Variants in RYR2 observed in about 807,000 individuals in gnomAD.
RYR2 encodes ryanodine receptor 2, also known as cardiac muscle ryanodine receptor-calcium release channel.
In RYR2, 227 loss-of-function variants were observed where a neutral mutation model predicts 601.1. That is an observed-to-expected ratio of 0.38 (90% CI 0.34 to 0.42). The LOEUF (loss-of-function observed/expected upper bound fraction) is 0.42. RYR2 is among the 10% of genes least tolerant of loss of function. The probability of loss-of-function intolerance (pLI) is 1.00; values close to 1 mark genes in which losing one functional copy is unlikely to be tolerated. For missense variants in RYR2, 4,646 were observed against 6,156.5 expected, an observed-to-expected ratio of 0.75 and a Z score of 8.21; for synonymous variants, 2,223 against 2,175.1, an observed-to-expected ratio of 1.02 and a Z score of -0.61.
chr1:237,055,250 G>A (rs1235906418), intron 1 of RYR2, among the ~76,000 whole-genome samples: 1 of 152,160 alleles, frequency 6.6e-6, no homozygotes, highest in Non-Finnish European at 1.5e-5. Context: ...GGGGAGCCCT[G>A]AGACCAGGGT....
chr1:237,794,130 C>T, intron 95 of RYR2, 133 bp downstream of exon 95: 1 of 753,008 alleles, frequency 1.3e-6, no homozygotes, highest in South Asian at 1.9e-5. Context: ...CAAGAAAAAT[C>T]TAAAGACTCA....
At chr1:237,492,888 G>A in intron 18 of RYR2, 66 bp from the exon 19 acceptor site, 2 of 1,447,974 alleles carry the variant, frequency 1.4e-6, no homozygotes, top group South Asian at 1.3e-5. Flanking sequence ...AGGAAGGAAG[G>A]GAGGGAGGGA....
chr1:237,126,882 T>A (rs1421725015), intron 1 of RYR2, among the ~76,000 whole-genome samples: 1 of 151,348 alleles, frequency 6.6e-6, no homozygotes. Flanking sequence ...GGTCAGCAGA[T>A]AAACAAGTGA....
intron 2 of RYR2, among the ~76,000 whole-genome samples, chr1:237,292,525 T>C (rs1692339621): frequency 6.6e-6 from 1 of 152,146 alleles, no homozygotes; most frequent in African/African-American, 2.4e-5. Context: ...GTATTTATTT[T>C]AGAATGTTTA....
At chr1:237,822,715 A>T (rs1388259817) in intron 101 of RYR2, among the ~76,000 whole-genome samples, 1 of 152,228 alleles carries the variant, frequency 6.6e-6, no homozygotes, top group Non-Finnish European at 1.5e-5. Context: ...AAATGCCCAA[A>T]TTAAAAGACA....
intron 29 of RYR2, among the ~76,000 whole-genome samples, chr1:237,578,369 G>C (rs1450700862): frequency 6.6e-6 from 1 of 152,138 alleles, no homozygotes; most frequent in African/African-American, 2.4e-5. Flanking sequence ...CTTTGTATGT[G>C]TAGGGGAACT....
At chr1:237,540,256 C>A (rs1225057070) in intron 25 of RYR2, among the ~76,000 whole-genome samples, 1 of 151,732 alleles carries the variant, frequency 6.6e-6, no homozygotes, top group Non-Finnish European at 1.5e-5. Flanking sequence ...ATCTCATATG[C>A]CTAATTGAGT....
intron 92 of RYR2, among the ~76,000 whole-genome samples, chr1:237,788,348 A>G (rs1657912832): frequency 6.6e-6 from 1 of 152,086 alleles, no homozygotes; most frequent in African/African-American, 2.4e-5. Context: ...ACCTCTACTC[A>G]TGTTCACACT....
At chr1:237,669,638 C>T (rs900386735) in intron 58 of RYR2, among the ~76,000 whole-genome samples, 2 of 152,014 alleles carry the variant, frequency 1.3e-5, no homozygotes, top group African/African-American at 4.8e-5. Context: ...AGACGCTCCT[C>T]ACATCCCAGA....
At chr1:237,430,217 A>C (rs1356610896) in intron 12 of RYR2, among the ~76,000 whole-genome samples, 1 of 150,894 alleles carries the variant, frequency 6.6e-6, no homozygotes, top group African/African-American at 2.4e-5. Flanking sequence ...TATGCATAAC[A>C]ATATATGTTG....
At chr1:237,805,940 C>A (rs1230627448) in intron 98 of RYR2, among the ~76,000 whole-genome samples, 197 bp from the exon 99 acceptor site, 5 of 152,106 alleles carry the variant, frequency 3.3e-5, no homozygotes, top group African/African-American at 1.2e-4. Flanking sequence ...CTATTCCTAC[C>A]TCTCCTTTTT....
intron 2 of RYR2, among the ~76,000 whole-genome samples, chr1:237,293,374 T>C (rs1048724490): frequency 2.0e-5 from 3 of 152,146 alleles, no homozygotes; most frequent in African/African-American, 7.2e-5. Flanking sequence ...ACCCGGCTAA[T>C]TTTTGTATTT....
intron 1 of RYR2, among the ~76,000 whole-genome samples, chr1:237,090,084 C>G (rs1325766990): frequency 6.6e-6 from 1 of 152,126 alleles, no homozygotes; most frequent in Non-Finnish European, 1.5e-5. Flanking sequence ...TCTTTCAAAA[C>G]TATCAGATCT....
At chr1:237,313,522 T>C (rs538325231) in intron 2 of RYR2, among the ~76,000 whole-genome samples, 6 of 152,330 alleles carry the variant, frequency 3.9e-5, no homozygotes, top group African/African-American at 1.4e-4. Flanking sequence ...AGAAAGCCTT[T>C]AGAAGCTGAA....
At chr1:237,589,676 TCACCCTAGGG>T in intron 29 of RYR2, 107 bp from the exon 30 acceptor site, 1 of 866,132 alleles carries the variant, frequency 1.2e-6, no homozygotes, top group South Asian at 1.7e-5. Context: ...ACTACTTTTT[TCACCCTAGGG>T]TGACAGCTCT....
intron 2 of RYR2, among the ~76,000 whole-genome samples, chr1:237,307,603 TTTTG>T (rs1342350998): frequency 6.6e-6 from 1 of 152,162 alleles, no homozygotes; most frequent in East Asian, 1.9e-4. Context: ...CTAACTTGAG[TTTTG>T]TTTTTGTTTT....
At chr1:237,646,239 T>G (rs7514424) in intron 48 of RYR2, among the ~76,000 whole-genome samples, 45,557 of 151,024 alleles carry the variant, frequency 0.3, 7,509 homozygotes, top group African/African-American at 0.43. Flanking sequence ...TACTCAGGAG[T>G]CTGAGGCAGG....
chr1:237,536,429 G>A (rs1028453192), intron 25 of RYR2, among the ~76,000 whole-genome samples: 10 of 150,012 alleles, frequency 6.7e-5, no homozygotes, highest in African/African-American at 2.5e-4. Context: ...AAAATTAGCC[G>A]GGTGGCCGGG....
intron 3 of RYR2, among the ~76,000 whole-genome samples, chr1:237,349,991 C>T (rs1047348219): frequency 1.8e-4 from 27 of 151,682 alleles, no homozygotes; most frequent in Non-Finnish European, 3.7e-4. Flanking sequence ...ATTATATTTC[C>T]ATAAAGCTAT....
Sources: allele counts gnomAD v4.1 joint callset (sites outside exome capture counted in the v4.1 genomes callset), GRCh38; gene constraint gnomAD v4.1.1; transcripts MANE v1.5; gene names NCBI Gene and HGNC (gene_info 2026-07-23, HGNC 2026-07-21).